EIF2B3: variants seen among roughly 807,000 people sequenced by gnomAD.
EIF2B3 encodes the protein translation initiation factor eIF2B subunit gamma.
In EIF2B3, 20 loss-of-function variants were observed where a neutral mutation model predicts 54.1. That is an observed-to-expected ratio of 0.37 (90% CI 0.26 to 0.54). The LOEUF (loss-of-function observed/expected upper bound fraction) is 0.54, where lower values mean the gene tolerates loss of function less well. Ranked by LOEUF, EIF2B3 falls within the 20% of genes least tolerant of loss-of-function variation. The pLI is 0.86. For missense variants in EIF2B3, 448 were observed against 547.8 expected, an observed-to-expected ratio of 0.82 and a Z score of 1.82; for synonymous variants, 153 against 188.1, an observed-to-expected ratio of 0.81 and a Z score of 1.52.
chr1:44,882,431 G>T (rs1655432114), intron 6 of EIF2B3, among the ~76,000 whole-genome samples: 2 of 151,478 alleles, frequency 1.3e-5, no homozygotes, highest in Non-Finnish European at 2.9e-5. Context: ...CTAACTTTGG[G>T]AGAAAACTTT....
chr1:44,911,069 A>G (rs1260399629), intron 5 of EIF2B3, among the ~76,000 whole-genome samples: 1 of 152,136 alleles, frequency 6.6e-6, no homozygotes, highest in East Asian at 1.9e-4. Context: ...CTAGGAGCTA[A>G]CCTCCATCTT....
At chr1:44,887,925 G>T (rs756316711) in intron 6 of EIF2B3, among the ~76,000 whole-genome samples, 4 of 152,040 alleles carry the variant, frequency 2.6e-5, no homozygotes, top group Non-Finnish European at 2.9e-5. Context: ...TTTATGAAAG[G>T]CACCTAAATG....
intron 3 of EIF2B3, among the ~76,000 whole-genome samples, chr1:44,950,332 G>A (rs906591960): frequency 1.3e-4 from 20 of 152,166 alleles, no homozygotes; most frequent in African/African-American, 3.1e-4. Context: ...GTTGAGGCAG[G>A]AGGATCATTT....
chr1:44,852,469 C>G (rs1164953011), intron 11 of EIF2B3, among the ~76,000 whole-genome samples: 1 of 152,118 alleles, frequency 6.6e-6, no homozygotes, highest in Admixed American at 6.6e-5. Flanking sequence ...ATACCACTCT[C>G]CTCTACTTCA....
intron 2 of EIF2B3, among the ~76,000 whole-genome samples, chr1:44,978,829 G>A (rs536536672): frequency 6.6e-6 from 1 of 150,906 alleles, no homozygotes; most frequent in East Asian, 2.0e-4. Context: ...TAGAGATGAG[G>A]TTTCGCTCTG....
chr1:44,949,978 AT>A (rs1378479235), intron 3 of EIF2B3, among the ~76,000 whole-genome samples: 1 of 152,206 alleles, frequency 6.6e-6, no homozygotes, highest in South Asian at 2.1e-4. Flanking sequence ...CTCTTCTAGG[AT>A]TTAGATATAT....
At chr1:44,890,403 C>A (rs891409345) in intron 6 of EIF2B3, among the ~76,000 whole-genome samples, 2 of 151,786 alleles carry the variant, frequency 1.3e-5, no homozygotes, top group African/African-American at 4.8e-5. Flanking sequence ...TATGTAAAAG[C>A]TCTAATTAAT....
chr1:44,938,503 T>TCTCTCTG (rs142346384), intron 4 of EIF2B3, among the ~76,000 whole-genome samples: 16 of 139,872 alleles, frequency 1.1e-4, no homozygotes, highest in Admixed American at 7.7e-4. Flanking sequence ...TCTCTCTCTG[T>TCTCTCTG]TTTTTTTTGG....
intron 7 of EIF2B3, among the ~76,000 whole-genome samples, chr1:44,880,909 C>T (rs567146023): frequency 1.1e-4 from 17 of 151,582 alleles, no homozygotes; most frequent in African/African-American, 2.2e-4. Flanking sequence ...TGCAGTGAGC[C>T]GAGATTGCGC....
rs1305162059 is a variant in EIF2B3 at position 44,904,135 on chromosome 1, T to C, written c.567-6691A>G. On this transcript the variant is annotated intron_variant, in intron 5 of 11. Transcript: ENST00000360403. ...AAACTGAGTGTGTCCTGCCAGCTTATATGGCTGCACAGAATGACTTTTTCC... is the reference window on the plus strand; with the variant it reads ...AAACTGAGTGTGTCCTGCCAGCTTACATGGCTGCACAGAATGACTTTTTCC... Among the ~76,000 whole-genome samples, 5 of 152,136 alleles carry C rather than the reference T, an allele frequency of 3.3e-5. No homozygotes were observed. In the East Asian group the frequency reaches 9.6e-4, roughly 29 times the overall value.
chr1:44,985,640 T>G (rs1038102466), intron 1 of EIF2B3, among the ~76,000 whole-genome samples: 1 of 152,138 alleles, frequency 6.6e-6, no homozygotes, highest in African/African-American at 2.4e-5. Context: ...CACTAGGAAC[T>G]GAGGTTCCAG....
intron 5 of EIF2B3, among the ~76,000 whole-genome samples, chr1:44,911,233 G>C (rs957252265): frequency 2.6e-5 from 4 of 152,212 alleles, no homozygotes; most frequent in South Asian, 2.1e-4. Context: ...ATAGGAATGA[G>C]AGAATATTTT....
intron 11 of EIF2B3, among the ~76,000 whole-genome samples, chr1:44,857,008 T>C (rs529890409): frequency 1.3e-5 from 2 of 152,016 alleles, no homozygotes; most frequent in Admixed American, 1.3e-4. Context: ...TCCTGCTATG[T>C]TGTCTAGGCT....
chr1:44,978,653 T>TTTTTTTTTTC, intron 2 of EIF2B3, among the ~76,000 whole-genome samples, 193 bp from the exon 3 acceptor site: 2 of 119,156 alleles, frequency 1.7e-5, no homozygotes, highest in African/African-American at 6.8e-5. Context: ...TTTTTTTTTT[T>TTTTTTTTTTC]ACAGACAGGG....
chr1:44,983,447 T>C (rs1644535672), intron 1 of EIF2B3, among the ~76,000 whole-genome samples: 1 of 152,234 alleles, frequency 6.6e-6, no homozygotes. Context: ...CTGCATAACA[T>C]TCACAATGTA....
At chr1:44,858,070 C>CTT (rs3044232) in intron 10 of EIF2B3, among the ~76,000 whole-genome samples, 37,962 of 127,136 alleles carry the variant, frequency 0.3, 6,194 homozygotes, top group East Asian at 0.4. Context: ...ACTTCAGTTC[C>CTT]TTTTTTTTTT....
At chr1:44,855,735 T>G (rs1244256471) in intron 11 of EIF2B3, among the ~76,000 whole-genome samples, 7 of 152,144 alleles carry the variant, frequency 4.6e-5, no homozygotes, top group African/African-American at 1.4e-4. Context: ...TTTTGTATTT[T>G]TAGTAGAGAC....
rs948490443 is a variant in EIF2B3 at position 44,976,254 on chromosome 1, T to C, written c.294+2061A>G. The stretch of plus-strand genomic sequence containing the variant: ...TATTAAGAATTCCTATAATCAATAA[T>C]GGAAAGGCAAACAACTCAATTAAAA... On this transcript the variant is annotated intron_variant, in intron 3 of 11. Coordinates refer to ENST00000360403, the MANE Select transcript of EIF2B3 (RefSeq NM_020365.5). Among the ~76,000 whole-genome samples, 14 of 152,218 alleles carry C rather than the reference T, an allele frequency of 9.2e-5. No individual in the cohort carries two copies. In the South Asian group the frequency reaches 1.9e-3, roughly 20 times the overall value.
At position 44,871,677 on chromosome 1, in the gene EIF2B3, A is replaced by T. The variant is rs74073429; in HGVS notation, c.1202+3001T>A. Among the ~76,000 whole-genome samples the T allele has an allele frequency of 8.2e-3, 1,246 of 152,236 alleles. 12 individuals carry two copies. Among genetic ancestry groups the T allele is most frequent in the African/African-American group, 0.023 (945 of 41,536 alleles). On this transcript the variant is annotated intron_variant, in intron 10 of 11. Transcript: ENST00000360403. ...TTCTGAAACTAATGTTTTACTTGTG[A>T]GAGACAAGTAAAGATAAGACTAAAT... is the stretch of plus-strand genomic sequence containing the variant.
Sources: gnomAD v4.1 joint callset for allele counts (sites outside exome capture counted in the v4.1 genomes callset) on GRCh38, gnomAD v4.1.1 for gene constraint, MANE v1.5 for transcripts, NCBI Gene and HGNC (gene_info 2026-07-23, HGNC 2026-07-21) for gene names.